Variants in PPP2R3C observed in about 807,000 individuals in gnomAD.
The protein encoded by PPP2R3C is serine/threonine-protein phosphatase 2A regulatory subunit B'' subunit gamma.
Under a neutral mutation model 63.7 loss-of-function variants are expected in PPP2R3C, and 47 were observed. The observed-to-expected ratio is 0.74, with a 90% CI of 0.58 to 0.94. PPP2R3C has a LOEUF of 0.94. Ranked by LOEUF, PPP2R3C falls within the 40% of genes least tolerant of loss-of-function variation. PPP2R3C has a pLI of 0.00. For missense variants in PPP2R3C, 421 were observed against 518.4 expected, an observed-to-expected ratio of 0.81 and a Z score of 1.82; for synonymous variants, 180 against 177.4, an observed-to-expected ratio of 1.01 and a Z score of -0.12.
At chr14:35,114,648 T>G (rs2046656225) in intron 2 of PPP2R3C, among the ~76,000 whole-genome samples, 1 of 152,132 alleles carries the variant, frequency 6.6e-6, no homozygotes, top group Non-Finnish European at 1.5e-5. Context: ...ATTTTTATTT[T>G]TTTTAAATAG....
upstream of PPP2R3C, chr14:35,122,026 G>C (rs45622031): frequency 1.4e-3 from 2,131 of 1,572,672 alleles, 6 homozygotes; most frequent in Non-Finnish European, 1.4e-3. Flanking sequence ...ACCAGCTCAG[G>C]CGTCAGCACC....
At chr14:35,103,474 C>A (rs1385410087) in intron 6 of PPP2R3C, among the ~76,000 whole-genome samples, 1 of 152,118 alleles carries the variant, frequency 6.6e-6, no homozygotes, top group Non-Finnish European at 1.5e-5. Context: ...CATATTCCTG[C>A]CTAGTTTACT....
At chr14:35,098,387 T>G (rs1170984821) in intron 7 of PPP2R3C, among the ~76,000 whole-genome samples, 2 of 140,880 alleles carry the variant, frequency 1.4e-5, no homozygotes, top group African/African-American at 5.2e-5. Flanking sequence ...AATTTCCCTC[T>G]TGTTGCCCAG....
rs746257013 is a variant in PPP2R3C, at chr14:35,116,652, GTT to G, written c.142_143del (p.Asn48HisfsTer3). The G allele has an allele frequency of 1.9e-6, 3 of 1,600,748 alleles. No individual in the cohort carries two copies. The highest frequency in any genetic ancestry group is 2.6e-6 in the Non-Finnish European group (3 of 1,171,124). ...YYSEWKGGRK[N>X]TNEFYKTIPR... ...GAATGGTCTTATAGAATTCATTTGTGTTTTTTCTACCTCCTTTCCATTCGGAG... is the reference window on the plus strand; with the variant it reads ...GAATGGTCTTATAGAATTCATTTGTGTTTTCTACCTCCTTTCCATTCGGAG... On this transcript the variant is annotated frameshift_variant, in exon 2 of 13. Coordinates refer to ENST00000261475, the MANE Select transcript of PPP2R3C (RefSeq NM_017917.4). LOFTEE classifies it high-confidence loss of function.
intron 1 of PPP2R3C, among the ~76,000 whole-genome samples, chr14:35,118,933 T>C (rs2046782067): frequency 6.6e-6 from 1 of 152,050 alleles, no homozygotes; most frequent in African/African-American, 2.4e-5. Context: ...ATTACAGGCA[T>C]GAGCCACTGC....
At chr14:35,098,459 G>A (rs1443551282) in intron 7 of PPP2R3C, among the ~76,000 whole-genome samples, 1 of 144,706 alleles carries the variant, frequency 6.9e-6, no homozygotes, top group Non-Finnish European at 1.5e-5. Context: ...CAATTCTCCT[G>A]CCTCAGCCTC....
chr14:35,113,288 C>T (rs993331160), intron 2 of PPP2R3C, among the ~76,000 whole-genome samples: 10 of 152,078 alleles, frequency 6.6e-5, no homozygotes, highest in African/African-American at 2.4e-4. Context: ...TTCTCTGAAG[C>T]AGTGGGACCA....
intron 1 of PPP2R3C, among the ~76,000 whole-genome samples, chr14:35,120,299 A>C (rs1217711853): frequency 1.3e-5 from 2 of 151,584 alleles, no homozygotes; most frequent in African/African-American, 2.4e-5. Flanking sequence ...GCCGGAGTGC[A>C]GTGGCACAAT....
rs2046288420 is a variant in PPP2R3C at position 35,104,489 on chromosome 14, TC to T, written c.573+2814del. On this transcript the variant is annotated intron_variant, in intron 6 of 12. Transcript: ENST00000261475. ...ATTCATGCCCAACTCCCTTCCCCTC[TC>T]CCCTACAATCTTAAAAAAAGCACTG... Among the ~76,000 whole-genome samples the T allele has an allele frequency of 2.0e-5, 3 of 152,138 alleles. No individual in the cohort carries two copies. In the South Asian group the frequency reaches 6.2e-4, roughly 32 times the overall value.
In PPP2R3C at chr14:35,113,474, A is replaced by G. The variant is rs537179778; in HGVS notation, c.187-2845T>C. 5.9e-5 allele frequency among the ~76,000 whole-genome samples: 9 copies of G among 152,248 alleles called. No individual in the cohort carries two copies. In the Middle Eastern group the frequency reaches 0.01, roughly 173 times the overall value. ...AAAGGTTTGGTCCCGGAAGTACAAGAAAGTTCAGTCCTGGGCTCAGGAACG... is the reference window on the plus strand; with the variant it reads ...AAAGGTTTGGTCCCGGAAGTACAAGGAAGTTCAGTCCTGGGCTCAGGAACG... On this transcript the variant is annotated intron_variant, in intron 2 of 12. Coordinates refer to ENST00000261475, the MANE Select transcript of PPP2R3C (RefSeq NM_017917.4).
Position 35,116,746 on chromosome 14 carries a change from A to C in PPP2R3C, c.59-9T>G, listed in dbSNP as rs1189852646. The C allele has an allele frequency of 6.4e-7, 1 of 1,570,432 alleles. No individual in the cohort carries two copies. Among genetic ancestry groups the C allele is most frequent in the Admixed American group, 1.8e-5 (1 of 56,190 alleles). On this transcript the variant is annotated splice_polypyrimidine_tract_variant and intron_variant, in intron 1 of 12. Transcript: ENST00000261475. ...TTGTTCACTTTTTTTTTCTGGTAAC[A>C]AAACAGATTAAGGGGAGCACTTTTA...
chr14:35,096,868 T>A (rs2046016712), intron 7 of PPP2R3C, 104 bp from the exon 8 acceptor site: 1 of 1,086,464 alleles, frequency 9.2e-7, no homozygotes, highest in Non-Finnish European at 1.3e-6. Flanking sequence ...CAATTGATAT[T>A]TTAAAGCTTC....
intron 6 of PPP2R3C, chr14:35,099,635 A>G (rs1462184955): frequency 1.5e-5 from 5 of 342,486 alleles, no homozygotes; most frequent in African/African-American, 1.1e-4. Context: ...CCTCTCACCT[A>G]TTTCTTCTCC....
At chr14:35,093,006 C>T (rs1378878617) in intron 10 of PPP2R3C, among the ~76,000 whole-genome samples, 1 of 151,858 alleles carries the variant, frequency 6.6e-6, no homozygotes, top group African/African-American at 2.4e-5. Context: ...GTCAAGAGAT[C>T]GAGACCATAC....
intron 11 of PPP2R3C, among the ~76,000 whole-genome samples, chr14:35,090,365 C>T (rs995234206): frequency 3.3e-5 from 5 of 151,726 alleles, no homozygotes; most frequent in African/African-American, 9.7e-5. Context: ...CCTCAGCCTC[C>T]CAAGTAGCTG....
chr14:35,101,601 A>G (rs1163008947), intron 6 of PPP2R3C: 1 of 152,230 alleles, frequency 6.6e-6, no homozygotes, highest in East Asian at 1.9e-4. Flanking sequence ...AAATTACTCA[A>G]ACACTAAAGG....
rs527917702 is a variant in PPP2R3C, at chr14:35,090,113, C to T, written c.1113+957G>A. On this transcript the variant is annotated intron_variant, in intron 11 of 12. Coordinates refer to ENST00000261475, the MANE Select transcript of PPP2R3C (RefSeq NM_017917.4). ...ATGTAAATATACGTCAGGGGCTGTA[C>T]TACCATTGGAAATACAAATATGTGA... 2.0e-5 allele frequency among the ~76,000 whole-genome samples: 3 copies of T among 152,042 alleles called. No individual in the cohort carries two copies. In the South Asian group the frequency reaches 6.2e-4, roughly 32 times the overall value.
At position 35,096,637 on chromosome 14, in the gene PPP2R3C, A is replaced by C; in HGVS notation, c.763-4T>G. The C allele has an allele frequency of 1.2e-6, 2 of 1,613,024 alleles. No homozygotes were observed. Among genetic ancestry groups the C allele is most frequent in the Non-Finnish European group, 1.7e-6 (2 of 1,179,628 alleles). ...TGGACAGTTCCTCATCCCTTAGCTA[A>C]TGGAACACAAAGACATAATTAGAAG... On this transcript the variant is annotated splice_polypyrimidine_tract_variant and splice_region_variant and intron_variant, in intron 8 of 12. Transcript: ENST00000261475.
intron 1 of PPP2R3C, 175 bp downstream of exon 1, chr14:35,121,727 A>C (rs1249566701): frequency 3.1e-6 from 2 of 646,352 alleles, no homozygotes; most frequent in Non-Finnish European, 5.2e-6. Context: ...GCCCCAGGAA[A>C]GTTTGGGTCA....
Sources: allele counts gnomAD v4.1 joint callset (sites outside exome capture counted in the v4.1 genomes callset), GRCh38; gene constraint gnomAD v4.1.1; transcripts MANE v1.5; gene names NCBI Gene and HGNC (gene_info 2026-07-23, HGNC 2026-07-21).